HPSE2: variants seen among roughly 807,000 people sequenced by gnomAD.
HPSE2 encodes the protein inactive heparanase-2.
HPSE2 carries 38 observed loss-of-function variants against 60.5 expected under a neutral mutation model. The ratio of observed to expected loss-of-function variants is 0.63; its 90% CI spans 0.48 to 0.82. HPSE2 has a LOEUF of 0.82. Among genes scored for constraint, HPSE2 ranks in the 40% least tolerant of loss-of-function variants. The probability of loss-of-function intolerance (pLI) is 0.00; values close to 1 mark genes in which losing one functional copy is unlikely to be tolerated. For synonymous variants in HPSE2, 295 were observed against 293.2 expected (o/e 1.01, Z -0.06); for missense variants, 713 against 740.4 (o/e 0.96, Z 0.43).
At chr10:98,682,938 G>A (rs1947823066) in intron 6 of HPSE2, among the ~76,000 whole-genome samples, 2 of 152,154 alleles carry the variant, frequency 1.3e-5, no homozygotes, top group Non-Finnish European at 1.5e-5. Flanking sequence ...TGAAGGCAGA[G>A]GGTAATCACA....
At chr10:98,460,975 G>A (rs950906212) in intron 11 of HPSE2, among the ~76,000 whole-genome samples, 2 of 152,248 alleles carry the variant, frequency 1.3e-5, no homozygotes, top group Non-Finnish European at 2.9e-5. Flanking sequence ...AAGGTTGTGA[G>A]TCACCCTCAG....
chr10:98,465,576 T>TTA (rs1418586334), intron 11 of HPSE2, among the ~76,000 whole-genome samples: 9 of 152,362 alleles, frequency 5.9e-5, no homozygotes, highest in Admixed American at 2.0e-4. Context: ...CAAGGTCATG[T>TTA]GGCTAATAAG....
At chr10:98,594,841 T>A (rs1032972723) in intron 9 of HPSE2, among the ~76,000 whole-genome samples, 31 of 152,232 alleles carry the variant, frequency 2.0e-4, no homozygotes, top group Non-Finnish European at 4.1e-4. Context: ...TTCTGGGTCA[T>A]ATGGTAGCTT....
intron 3 of HPSE2, among the ~76,000 whole-genome samples, chr10:98,830,315 G>A (rs1395763707): frequency 2.0e-5 from 3 of 152,078 alleles, no homozygotes. Flanking sequence ...GAAGAAGAGG[G>A]GTAGGGAGAG....
intron 3 of HPSE2, among the ~76,000 whole-genome samples, chr10:99,008,543 G>A (rs1956941150): frequency 6.6e-6 from 1 of 152,112 alleles, no homozygotes; most frequent in African/African-American, 2.4e-5. Context: ...TGCCCCACTG[G>A]ACAATCTTTT....
At chr10:98,529,101 TACTC>T (rs1231114588) in intron 9 of HPSE2, among the ~76,000 whole-genome samples, 18 of 152,362 alleles carry the variant, frequency 1.2e-4, no homozygotes, top group Non-Finnish European at 2.1e-4. Flanking sequence ...CACAAACTCT[TACTC>T]AACCAACACA....
chr10:98,701,403 C>A (rs1948404212), intron 5 of HPSE2, among the ~76,000 whole-genome samples: 1 of 149,260 alleles, frequency 6.7e-6, no homozygotes, highest in African/African-American at 2.5e-5. Flanking sequence ...AAAAACCAAA[C>A]ACCAAATATT....
chr10:99,260,254 A>AAC, the HPSE2 span, among the ~76,000 whole-genome samples: 17 of 142,974 alleles, frequency 1.2e-4, no homozygotes, highest in African/African-American at 3.5e-4. Flanking sequence ...AAAAAAAAAA[A>AAC]CCCTGTTGCT....
chr10:98,535,212 C>A (rs1175363645), intron 9 of HPSE2, among the ~76,000 whole-genome samples: 1 of 152,092 alleles, frequency 6.6e-6, no homozygotes, highest in Admixed American at 6.5e-5. Flanking sequence ...AAAGTCCAGG[C>A]AATTTTATAT....
chr10:98,988,806 A>C (rs1247905671), intron 3 of HPSE2, among the ~76,000 whole-genome samples: 2 of 119,772 alleles, frequency 1.7e-5, no homozygotes, highest in African/African-American at 5.8e-5. Context: ...CAAGAAAAAA[A>C]CAAACAACCC....
At chr10:99,136,914 T>C (rs979585272) in intron 3 of HPSE2, among the ~76,000 whole-genome samples, 1 of 152,060 alleles carries the variant, frequency 6.6e-6, no homozygotes, top group Admixed American at 6.6e-5. Context: ...AAGAAAGAAA[T>C]AAAGCGTATT....
At chr10:98,608,561 G>A (rs1338318291) in intron 9 of HPSE2, among the ~76,000 whole-genome samples, 1 of 152,210 alleles carries the variant, frequency 6.6e-6, no homozygotes, top group Non-Finnish European at 1.5e-5. Context: ...AAGACACAGA[G>A]GAGAAAAGAA....
At chr10:98,984,310 C>A (rs1273417653) in intron 3 of HPSE2, among the ~76,000 whole-genome samples, 1 of 152,160 alleles carries the variant, frequency 6.6e-6, no homozygotes, top group Non-Finnish European at 1.5e-5. Context: ...GAGGAACGAT[C>A]AGGCAGCAAC....
Position 98,989,390 on chromosome 10 carries a change from G to A in HPSE2, c.610+154848C>T, listed in dbSNP as rs369821084. On this transcript the variant is annotated intron_variant, in intron 3 of 11. Coordinates refer to ENST00000370552, the MANE Select transcript of HPSE2 (RefSeq NM_021828.5). Reference sequence around the variant, plus strand: ...AAACCATCATTCTCAGCAAACTATCGCAAGGACAAAAAACCAAACACTGCA... The same window carrying A: ...AAACCATCATTCTCAGCAAACTATCACAAGGACAAAAAACCAAACACTGCA... Among the ~76,000 whole-genome samples the A allele has an allele frequency of 2.0e-3, 306 of 151,384 alleles. 1 individual carries two copies. The Middle Eastern group carries it at 0.02, about 10-fold the overall frequency.
At chr10:98,920,264 A>C (rs374081056) in intron 3 of HPSE2, among the ~76,000 whole-genome samples, 16 of 152,254 alleles carry the variant, frequency 1.1e-4, no homozygotes, top group African/African-American at 3.6e-4. Context: ...TGCATTACGG[A>C]CTGGGGCTCT....
intron 2 of HPSE2, among the ~76,000 whole-genome samples, chr10:99,199,327 A>C (rs1407435065): frequency 6.6e-6 from 1 of 152,120 alleles, no homozygotes; most frequent in African/African-American, 2.4e-5. Context: ...ATCCTCACCA[A>C]CAGCTATCAT....
At chr10:99,245,668 G>A in the HPSE2 span, among the ~76,000 whole-genome samples, 3 of 152,316 alleles carry the variant, frequency 2.0e-5, no homozygotes, top group Non-Finnish European at 4.4e-5. Flanking sequence ...GAAACTTCTT[G>A]CATGCTGATG....
At chr10:98,758,535 C>T (rs915820016) in intron 3 of HPSE2, among the ~76,000 whole-genome samples, 3 of 152,182 alleles carry the variant, frequency 2.0e-5, no homozygotes, top group African/African-American at 4.8e-5. Flanking sequence ...CATGAGCAGA[C>T]ACTTCTCAAA....
intron 3 of HPSE2, among the ~76,000 whole-genome samples, chr10:98,798,733 A>G (rs940728565): frequency 3.9e-5 from 6 of 152,192 alleles, no homozygotes; most frequent in African/African-American, 7.2e-5. Context: ...CTTAGAACAA[A>G]TACACAAAAA....
Sources: allele counts gnomAD v4.1 joint callset (sites outside exome capture counted in the v4.1 genomes callset), GRCh38; gene constraint gnomAD v4.1.1; transcripts MANE v1.5; gene names NCBI Gene and HGNC (gene_info 2026-07-23, HGNC 2026-07-21).